Variants in FHIP1A observed in about 807,000 individuals in gnomAD.
FHIP1A encodes FHF complex subunit HOOK interacting protein 1A, also known as FHF complex subunit HOOK-interacting protein 1A.
FHIP1A carries 61 observed loss-of-function variants against 88.6 expected under a neutral mutation model. The ratio of observed to expected loss-of-function variants is 0.69; its 90% CI spans 0.56 to 0.85. The LOEUF (loss-of-function observed/expected upper bound fraction) is 0.85. FHIP1A is among the 40% of genes least tolerant of loss of function. The pLI is 0.00. For synonymous variants in FHIP1A, 478 were observed against 496.0 expected (o/e 0.96, Z 0.48); for missense variants, 1,154 against 1,273.5 (o/e 0.91, Z 1.43).
intron 3 of FHIP1A, among the ~76,000 whole-genome samples, chr4:151,541,504 G>T (rs976120129): frequency 1.3e-5 from 2 of 152,136 alleles, no homozygotes; most frequent in African/African-American, 2.4e-5. Flanking sequence ...TTAAGCTCCT[G>T]CATGCCAAGT....
chr4:151,613,146 G>A (rs1466678643), intron 7 of FHIP1A, among the ~76,000 whole-genome samples: 2 of 152,252 alleles, frequency 1.3e-5, no homozygotes, highest in Non-Finnish European at 1.5e-5. Context: ...TCTTGTACTC[G>A]TTAATTTAAA....
At chr4:151,655,654 A>G (rs914504240) in intron 11 of FHIP1A, among the ~76,000 whole-genome samples, 1 of 152,142 alleles carries the variant, frequency 6.6e-6, no homozygotes, top group Non-Finnish European at 1.5e-5. Context: ...ATTGTTCCAC[A>G]TTACGACACT....
Position 151,656,255 on chromosome 4 carries a change from T to G in FHIP1A, c.2575T>G (p.Ser859Ala). ...FTGPFISVVL[S>A]KLENMLENSL... The stretch of plus-strand genomic sequence containing the variant: ...AGGCCCATTCATCAGCGTAGTCCTG[T>G]CAAAGCTGGAGAACATGCTGGAGAA... The change falls in exon 12 of 14, where the codon TCA becomes GCA. Residue 859 changes from serine to alanine, a missense_variant. Physicochemically the swap from Ser to Ala is moderately conservative, Grantham distance 99. Transcript: ENST00000435205. The surrounding 1 kb of genome is among the most constrained non-coding windows in gnomAD (Gnocchi z 4.2). 6.4e-7 allele frequency: 1 copy of G among 1,551,656 alleles called. No individual in the cohort carries two copies. The highest frequency in any genetic ancestry group is 8.7e-7 in the Non-Finnish European group (1 of 1,146,964).
At chr4:151,588,358 A>G (rs1391154876) in intron 6 of FHIP1A, among the ~76,000 whole-genome samples, 1 of 152,146 alleles carries the variant, frequency 6.6e-6, no homozygotes, top group African/African-American at 2.4e-5. Flanking sequence ...TAAAATGAGG[A>G]AATGTTTTCT....
At chr4:151,459,027 T>G (rs1413989093) in intron 2 of FHIP1A, among the ~76,000 whole-genome samples, 1 of 152,176 alleles carries the variant, frequency 6.6e-6, no homozygotes, top group Non-Finnish European at 1.5e-5. Context: ...TCAAACCTTC[T>G]CTAAGTGACT....
intron 6 of FHIP1A, among the ~76,000 whole-genome samples, chr4:151,587,260 C>T (rs1734254413): frequency 6.6e-6 from 1 of 152,134 alleles, no homozygotes; most frequent in Non-Finnish European, 1.5e-5. Context: ...TTCATTGCAA[C>T]ACAAATTAAA....
chr4:151,605,899 G>A (rs963792692), intron 7 of FHIP1A, among the ~76,000 whole-genome samples: 7 of 152,154 alleles, frequency 4.6e-5, no homozygotes, highest in South Asian at 2.1e-4. Context: ...CTGGAACTCC[G>A]GTAGAGCCCA....
intron 7 of FHIP1A, among the ~76,000 whole-genome samples, chr4:151,618,232 A>G (rs184113467): frequency 6.6e-6 from 1 of 152,256 alleles, no homozygotes; most frequent in African/African-American, 2.4e-5. Context: ...TGTGTTGGTT[A>G]TGCTGGAAAA....
chr4:151,638,731 G>A lies in FHIP1A; in HGVS notation c.1201G>A (p.Asp401Asn), dbSNP rs568660066. Residue 401 changes from aspartate to asparagine, a missense_variant, in exon 9 of 14, where the codon GAT becomes AAT. Coordinates refer to ENST00000435205, the MANE Select transcript of FHIP1A (RefSeq NM_001109977.3). ...FRTLIGLHCE[D>N]VMLQLVLRYL... ...AACTCTCATTGGTTTACATTGTGAA[G>A]ATGTGATGTTACAGCTAGTTCTAAG... The A allele has an allele frequency of 6.5e-7, 1 of 1,549,696 alleles. No homozygotes were observed. The highest frequency in any genetic ancestry group is 1.2e-5 in the South Asian group (1 of 83,764).
intron 10 of FHIP1A, among the ~76,000 whole-genome samples, chr4:151,648,335 A>G (rs1010167010): frequency 2.0e-5 from 3 of 152,238 alleles, no homozygotes; most frequent in Admixed American, 6.5e-5. Flanking sequence ...TAAGTGCGCA[A>G]TAAATACTGC....
At chr4:151,512,939 G>A (rs1179199951) in intron 3 of FHIP1A, among the ~76,000 whole-genome samples, 1 of 152,124 alleles carries the variant, frequency 6.6e-6, no homozygotes, top group Non-Finnish European at 1.5e-5. Flanking sequence ...TCAAATTCAG[G>A]AAATACAGAG....
intron 3 of FHIP1A, among the ~76,000 whole-genome samples, chr4:151,526,880 C>T (rs1176524783): frequency 3.0e-4 from 46 of 151,438 alleles, no homozygotes; most frequent in Admixed American, 3.3e-4. Flanking sequence ...CCTCACATCC[C>T]GGACGGGGCG....
intron 3 of FHIP1A, among the ~76,000 whole-genome samples, chr4:151,508,358 G>A (rs1192086761): frequency 2.0e-5 from 3 of 152,202 alleles, no homozygotes; most frequent in Non-Finnish European, 4.4e-5. Context: ...AATGTTAGGT[G>A]TACTGAGGTC....
In FHIP1A at chr4:151,649,946, G is replaced by A. The variant is rs940040845; in HGVS notation, c.1905G>A (p.Glu635=). ...LLLFKGSYIE[E]SDFQDDVMVY... Reference sequence around the variant, plus strand: ...TCTTCAAAGGGTCCTACATAGAAGAGTCGGACTTTCAGGATGATGTGATGG... The same window carrying A: ...TCTTCAAAGGGTCCTACATAGAAGAATCGGACTTTCAGGATGATGTGATGG... The change falls in exon 11 of 14, where the codon GAG becomes GAA. Residue 635 remains glutamate (E), a synonymous_variant. Coordinates refer to ENST00000435205, the MANE Select transcript of FHIP1A (RefSeq NM_001109977.3). 11 of 1,551,628 alleles carry A rather than the reference G, an allele frequency of 7.1e-6. No homozygotes were observed. In the East Asian group the frequency reaches 7.3e-5, roughly 10 times the overall value.
At chr4:151,534,612 C>T (rs1161156447) in intron 3 of FHIP1A, 1 of 152,146 alleles carries the variant, frequency 6.6e-6, no homozygotes, top group Non-Finnish European at 1.5e-5. Flanking sequence ...GTAAAATTGA[C>T]AAATTATATT....
intron 3 of FHIP1A, among the ~76,000 whole-genome samples, chr4:151,549,180 G>C (rs530851135): frequency 6.6e-6 from 1 of 152,162 alleles, no homozygotes; most frequent in Non-Finnish European, 1.5e-5. Context: ...AGGTGACTGG[G>C]ATGAGTCAGG....
At chr4:151,647,620 A>T (rs1736848383) in intron 10 of FHIP1A, among the ~76,000 whole-genome samples, 1 of 152,366 alleles carries the variant, frequency 6.6e-6, no homozygotes, top group African/African-American at 2.4e-5. Flanking sequence ...AGGTTGTCTT[A>T]CGGATTCTTG....
chr4:151,590,422 A>G (rs944891857), intron 7 of FHIP1A, among the ~76,000 whole-genome samples: 3 of 152,206 alleles, frequency 2.0e-5, no homozygotes, highest in South Asian at 2.1e-4. Flanking sequence ...ATAATTGAGG[A>G]TGAAAGCCAC....
At chr4:151,547,422 A>C (rs913506369) in intron 3 of FHIP1A, among the ~76,000 whole-genome samples, 87 of 152,194 alleles carry the variant, frequency 5.7e-4, no homozygotes, top group African/African-American at 1.7e-3. Flanking sequence ...TTTTTCCCCC[A>C]AAAAAACGTT....
Sources: allele counts gnomAD v4.1 joint callset (sites outside exome capture counted in the v4.1 genomes callset), GRCh38; gene constraint gnomAD v4.1.1; non-coding constraint Gnocchi (gnomAD v3.1); transcripts MANE v1.5; gene names NCBI Gene and HGNC (gene_info 2026-07-23, HGNC 2026-07-21).